TTC7B: variants seen among roughly 807,000 people sequenced by gnomAD.
TTC7B encodes tetratricopeptide repeat domain 7B.
A neutral mutation model predicts 106.8 loss-of-function variants in TTC7B; 28 were observed. The ratio of observed to expected loss-of-function variants is 0.26; its 90% CI spans 0.19 to 0.36. The LOEUF (loss-of-function observed/expected upper bound fraction) is 0.36. Ranked by LOEUF, TTC7B falls within the 10% of genes least tolerant of loss-of-function variation. TTC7B has a pLI of 1.00. For missense variants in TTC7B, 862 were observed against 1,076.4 expected, an observed-to-expected ratio of 0.80 and a Z score of 2.79; for synonymous variants, 405 against 430.6, an observed-to-expected ratio of 0.94 and a Z score of 0.74.
intron 18 of TTC7B, among the ~76,000 whole-genome samples, chr14:90,579,308 C>T (rs974041656): frequency 6.6e-6 from 1 of 152,218 alleles, no homozygotes; most frequent in East Asian, 1.9e-4. Flanking sequence ...TCTGTCGGGG[C>T]TCATGGACCC....
At chr14:90,613,797 G>T (rs187849366) in intron 16 of TTC7B, among the ~76,000 whole-genome samples, 1 of 152,282 alleles carries the variant, frequency 6.6e-6, no homozygotes, top group African/African-American at 2.4e-5. Flanking sequence ...GTAGTAGAGC[G>T]AAAGGAAACT....
At chr14:90,576,065 G>A in intron 19 of TTC7B, among the ~76,000 whole-genome samples, 1 of 151,994 alleles carries the variant, frequency 6.6e-6, no homozygotes, top group African/African-American at 2.4e-5. Context: ...AGGCATCTCA[G>A]GTGTCTTGAA....
intron 19 of TTC7B, among the ~76,000 whole-genome samples, chr14:90,542,334 G>C (rs181746307): frequency 6.6e-6 from 1 of 151,946 alleles, no homozygotes; most frequent in Non-Finnish European, 1.5e-5. Flanking sequence ...CCCCTTCCCC[G>C]ACCAAGGCCC....
Position 90,580,390 on chromosome 14 carries a change from C to T in TTC7B, c.2108-2082G>A, listed in dbSNP as rs141190291. ...AATGAGGAAACTGAGGTGCAGAAAG[C>T]GTGAACACCCTGCCCAAGTTCTCAG... On this transcript the variant is annotated intron_variant, in intron 18 of 19. Coordinates refer to ENST00000328459, the MANE Select transcript of TTC7B (RefSeq NM_001010854.2). Among the ~76,000 whole-genome samples, 549 of 152,290 alleles carry T rather than the reference C, an allele frequency of 3.6e-3. 2 individuals carry two copies. The highest frequency in any genetic ancestry group is 0.034 in the Middle Eastern group (10 of 294).
chr14:90,774,642 G>T (rs1890967935), intron 3 of TTC7B, among the ~76,000 whole-genome samples: 1 of 152,214 alleles, frequency 6.6e-6, no homozygotes, highest in South Asian at 2.1e-4. Context: ...TTCTCCAGCT[G>T]CCCCTGACTT....
In TTC7B at chr14:90,593,620, A is replaced by T. The variant is rs1194150623; in HGVS notation, c.1973T>A (p.Val658Asp). 1.9e-6 allele frequency: 3 copies of T among 1,599,506 alleles called. No homozygotes were observed. Among genetic ancestry groups the T allele is most frequent in the East Asian group, 2.2e-5 (1 of 44,502 alleles). Residue 658 changes from valine to aspartate, a missense_variant, in exon 18 of 20, where the codon GTC becomes GAC. Coordinates refer to ENST00000328459, the MANE Select transcript of TTC7B (RefSeq NM_001010854.2). Reference sequence around the variant, plus strand: ...TGAGGCTGCTACCGATGTGGCATGGACGGAGCCTGTGAGAGGTTTTTGAGA... The same window carrying T: ...TGAGGCTGCTACCGATGTGGCATGGTCGGAGCCTGTGAGAGGTTTTTGAGA... Reference protein sequence around the residue: ...PDFSDPETGSVHATSVAASRV... With the variant: ...PDFSDPETGSDHATSVAASRV...
chr14:90,625,925 C>G (rs1884418967), intron 15 of TTC7B, among the ~76,000 whole-genome samples: 1 of 152,176 alleles, frequency 6.6e-6, no homozygotes, highest in Non-Finnish European at 1.5e-5. Flanking sequence ...CTGGAAAAGG[C>G]CTTGAGGTCA....
chr14:90,608,057 G>A lies in TTC7B; in HGVS notation c.1966+2685C>T, dbSNP rs941467519. ...CTCTTCAAATCAAATCAAGGTGAGG[G>A]AATAAACAATCTGTGTTGTGGGTGG... On this transcript the variant is annotated intron_variant, in intron 17 of 19. Coordinates refer to ENST00000328459, the MANE Select transcript of TTC7B (RefSeq NM_001010854.2). This position sits in a 1 kb window ranked among gnomAD's most constrained non-coding sequence, Gnocchi z 5.1. Among the ~76,000 whole-genome samples, 2 of 145,296 alleles carry A rather than the reference G, an allele frequency of 1.4e-5. No individual in the cohort carries two copies. Among genetic ancestry groups the A allele is most frequent in the African/African-American group, 5.1e-5 (2 of 38,884 alleles).
At chr14:90,716,109 G>A (rs1472088419) in intron 5 of TTC7B, among the ~76,000 whole-genome samples, 2 of 152,208 alleles carry the variant, frequency 1.3e-5, no homozygotes, top group Non-Finnish European at 1.5e-5. Flanking sequence ...GGGAAGGAGT[G>A]GCTAGACTCC....
At chr14:90,601,561 C>A in intron 17 of TTC7B, among the ~76,000 whole-genome samples, 1 of 152,174 alleles carries the variant, frequency 6.6e-6, no homozygotes, top group Non-Finnish European at 1.5e-5. Context: ...GAACTCAAGT[C>A]GGTAATCTTG....
chr14:90,674,592 C>T (rs1053846833), intron 9 of TTC7B, among the ~76,000 whole-genome samples: 2 of 152,260 alleles, frequency 1.3e-5, no homozygotes, highest in African/African-American at 2.4e-5. Context: ...GCAGGGGCCA[C>T]ACCTTGCTCC....
intron 3 of TTC7B, among the ~76,000 whole-genome samples, chr14:90,754,375 T>G: frequency 6.6e-6 from 1 of 152,214 alleles, no homozygotes; most frequent in East Asian, 1.9e-4. Flanking sequence ...ACTCCTTGCT[T>G]TCTAATCCAC....
At chr14:90,788,711 T>A (rs891926583) in intron 1 of TTC7B, among the ~76,000 whole-genome samples, 5 of 152,150 alleles carry the variant, frequency 3.3e-5, no homozygotes, top group Non-Finnish European at 7.3e-5. Context: ...ACACCTGTAA[T>A]CCCAGCACTT....
intron 3 of TTC7B, among the ~76,000 whole-genome samples, chr14:90,752,668 T>A (rs1890172014): frequency 1.3e-5 from 2 of 152,234 alleles, no homozygotes; most frequent in African/African-American, 2.4e-5. Context: ...TGACAGGCAC[T>A]ATTTCTAATT....
chr14:90,662,486 T>C (rs55983245), intron 9 of TTC7B, among the ~76,000 whole-genome samples: 72,188 of 152,038 alleles, frequency 0.47, 17,418 homozygotes, highest in East Asian at 0.57. Flanking sequence ...AGGCTCCTCC[T>C]GTAACAACCC....
intron 5 of TTC7B, among the ~76,000 whole-genome samples, chr14:90,708,544 G>A (rs144425885): frequency 6.6e-6 from 1 of 152,300 alleles, no homozygotes; most frequent in African/African-American, 2.4e-5. Flanking sequence ...TTACAGCATG[G>A]TTCACTGAAT....
Position 90,799,685 on chromosome 14 carries a change from G to C in TTC7B, c.122-13357C>G, listed in dbSNP as rs907956069. 1.8e-4 allele frequency among the ~76,000 whole-genome samples: 27 copies of C among 152,310 alleles called. No homozygotes were observed. In the East Asian group the frequency reaches 5.2e-3, roughly 29 times the overall value. On this transcript the variant is annotated intron_variant, in intron 1 of 19. Transcript: ENST00000328459. ...GAACAGCAGGAAAGCCCGTGTGGCTGGGTGGAGGGAAGGGCGTTGGGGTGG... is the reference window on the plus strand; with the variant it reads ...GAACAGCAGGAAAGCCCGTGTGGCTCGGTGGAGGGAAGGGCGTTGGGGTGG...
chr14:90,790,353 A>G, intron 1 of TTC7B, among the ~76,000 whole-genome samples: 1 of 152,144 alleles, frequency 6.6e-6, no homozygotes, highest in East Asian at 1.9e-4. Context: ...GGATATTAAT[A>G]GTGGTTACTT....
intron 13 of TTC7B, among the ~76,000 whole-genome samples, chr14:90,648,143 C>T (rs1335452071): frequency 6.6e-6 from 1 of 152,048 alleles, no homozygotes; most frequent in Non-Finnish European, 1.5e-5. Context: ...ATTGTTTATG[C>T]AAATGTAATA....
Sources: allele counts gnomAD v4.1 joint callset (sites outside exome capture counted in the v4.1 genomes callset), GRCh38; gene constraint gnomAD v4.1.1; non-coding constraint Gnocchi (gnomAD v3.1); transcripts MANE v1.5; gene names NCBI Gene and HGNC (gene_info 2026-07-23, HGNC 2026-07-21).